Variants in GPC5 observed in about 807,000 individuals in gnomAD.
The protein encoded by GPC5 is glypican-5.
In GPC5, 47 loss-of-function variants were observed where a neutral mutation model predicts 53.9. The observed-to-expected ratio is 0.87, with a 90% confidence interval of 0.69 to 1.11. The LOEUF is 1.11. Among genes scored for constraint, GPC5 ranks in the 50% most tolerant of loss-of-function variants. The probability of loss-of-function intolerance (pLI) is 0.00; values close to 1 mark genes in which losing one functional copy is unlikely to be tolerated. For missense variants in GPC5, 748 were observed against 713.1 expected (o/e 1.05, Z -0.56); for synonymous variants, 286 against 263.3 (o/e 1.09, Z -0.84).
At chr13:92,009,295 G>A (rs78497008) in intron 6 of GPC5, among the ~76,000 whole-genome samples, 5,666 of 92,836 alleles carry the variant, frequency 0.061, 146 homozygotes, top group Middle Eastern at 0.13. Flanking sequence ...TTTCAATATG[G>A]GATGGATTTT....
intron 5 of GPC5, among the ~76,000 whole-genome samples, chr13:91,784,523 GAGACC>G (rs1406258557): frequency 6.6e-6 from 1 of 152,076 alleles, no homozygotes; most frequent in Non-Finnish European, 1.5e-5. Flanking sequence ...TCGGAAGTTG[GAGACC>G]AGCCTGACCA....
At chr13:91,602,853 A>G (rs764756513) in intron 2 of GPC5, among the ~76,000 whole-genome samples, 6 of 152,336 alleles carry the variant, frequency 3.9e-5, no homozygotes, top group Non-Finnish European at 7.3e-5. Flanking sequence ...AATTTGAGTT[A>G]GAATTGTCAA....
chr13:92,539,006 T>C (rs1881834607), intron 7 of GPC5, among the ~76,000 whole-genome samples: 2 of 135,924 alleles, frequency 1.5e-5, no homozygotes, highest in South Asian at 4.7e-4. Context: ...ATACTTTATA[T>C]ATTTTATATA....
rs1413264926 is a variant in GPC5, at chr13:92,605,302, A to T, written c.1562-260980A>T. 2.6e-5 allele frequency among the ~76,000 whole-genome samples: 4 copies of T among 152,326 alleles called. No individual in the cohort carries two copies. The South Asian group carries it at 6.2e-4, about 24-fold the overall frequency. The stretch of plus-strand genomic sequence containing the variant: ...TATAAATTTTTAAAAATGGTTTGTG[A>T]TAAAAAGTATATTCATCTCCAAGCA... On this transcript the variant is annotated intron_variant, in intron 7 of 7. Coordinates refer to ENST00000377067, the MANE Select transcript of GPC5 (RefSeq NM_004466.6).
At chr13:92,108,411 C>A (rs1381732074) in intron 6 of GPC5, among the ~76,000 whole-genome samples, 1 of 152,078 alleles carries the variant, frequency 6.6e-6, no homozygotes, top group Non-Finnish European at 1.5e-5. Context: ...AAAATTAATG[C>A]CCTGCGAAAT....
intron 7 of GPC5, among the ~76,000 whole-genome samples, chr13:92,793,861 A>C (rs570503533): frequency 6.6e-6 from 1 of 152,292 alleles, no homozygotes; most frequent in African/African-American, 2.4e-5. Flanking sequence ...GAATAGACCA[A>C]TAACAGGCTC....
intron 6 of GPC5, among the ~76,000 whole-genome samples, chr13:92,057,301 AAAACAAAAAAC>A (rs147925098): frequency 0.059 from 6,362 of 108,544 alleles, 448 homozygotes; most frequent in African/African-American, 0.17. Flanking sequence ...AAAAAAACAA[AAAACAAAAAAC>A]AAACAAAAAA....
intron 7 of GPC5, among the ~76,000 whole-genome samples, chr13:92,337,407 CA>C (rs1168896723): frequency 6.6e-6 from 1 of 152,080 alleles, no homozygotes; most frequent in African/African-American, 2.4e-5. Flanking sequence ...ATGAAAATCA[CA>C]GCAAGCTATT....
intron 5 of GPC5, among the ~76,000 whole-genome samples, chr13:91,860,004 A>G (rs954580371): frequency 2.0e-5 from 3 of 152,074 alleles, no homozygotes; most frequent in Non-Finnish European, 4.4e-5. Context: ...ATATGTAATT[A>G]CCCTGATGAG....
At chr13:91,433,903 T>G (rs1317126158) in intron 1 of GPC5, among the ~76,000 whole-genome samples, 4 of 152,056 alleles carry the variant, frequency 2.6e-5, no homozygotes, top group Non-Finnish European at 1.5e-5. Flanking sequence ...CTAACTGGTG[T>G]GAGATGGTAT....
intron 7 of GPC5, among the ~76,000 whole-genome samples, chr13:92,760,313 G>A (rs1459458229): frequency 3.3e-5 from 5 of 152,018 alleles, no homozygotes; most frequent in Admixed American, 6.5e-5. Flanking sequence ...ATTTGATTTT[G>A]TGCTTTTATC....
chr13:91,686,115 A>G (rs2035617983), intron 2 of GPC5, among the ~76,000 whole-genome samples: 1 of 152,084 alleles, frequency 6.6e-6, no homozygotes, highest in African/African-American at 2.4e-5. Flanking sequence ...TCACTCCACA[A>G]TAATTCATGA....
At chr13:91,965,399 A>C (rs2040171529) in intron 6 of GPC5, among the ~76,000 whole-genome samples, 2 of 152,292 alleles carry the variant, frequency 1.3e-5, no homozygotes, top group Middle Eastern at 6.8e-3. Flanking sequence ...TTGCTCATTT[A>C]TCTGCTGTAC....
chr13:91,643,526 TATG>T (rs1171680484), intron 2 of GPC5, among the ~76,000 whole-genome samples: 1 of 152,210 alleles, frequency 6.6e-6, no homozygotes, highest in Non-Finnish European at 1.5e-5. Flanking sequence ...CATGCTAAAT[TATG>T]ATATTTTGGT....
chr13:92,418,720 T>C (rs1186101978), intron 7 of GPC5, among the ~76,000 whole-genome samples: 1 of 152,220 alleles, frequency 6.6e-6, no homozygotes, highest in Non-Finnish European at 1.5e-5. Context: ...GTAATTGTTT[T>C]GTGTGCAAGA....
intron 7 of GPC5, among the ~76,000 whole-genome samples, chr13:92,344,859 A>G (rs188167649): frequency 3.5e-4 from 54 of 152,274 alleles, no homozygotes; most frequent in Non-Finnish European, 2.1e-4. Context: ...CTTCCCAAAG[A>G]CTGAAGTTTG....
intron 7 of GPC5, among the ~76,000 whole-genome samples, chr13:92,822,814 T>C (rs1341807447): frequency 6.6e-6 from 1 of 152,154 alleles, no homozygotes; most frequent in Non-Finnish European, 1.5e-5. Flanking sequence ...AATCAAAATT[T>C]TGAAAGCAAT....
chr13:92,621,364 T>A (rs933859693), intron 7 of GPC5, among the ~76,000 whole-genome samples: 2 of 152,198 alleles, frequency 1.3e-5, no homozygotes, highest in Non-Finnish European at 2.9e-5. Flanking sequence ...CCAGAGGTCG[T>A]GCCTCTGTTA....
chr13:92,507,135 T>A (rs990999286), intron 7 of GPC5, among the ~76,000 whole-genome samples: 1 of 152,138 alleles, frequency 6.6e-6, no homozygotes, highest in Admixed American at 6.5e-5. Context: ...TATTCAGGAA[T>A]TACTTCCATT....
Sources: allele counts gnomAD v4.1 joint callset (sites outside exome capture counted in the v4.1 genomes callset), GRCh38; gene constraint gnomAD v4.1.1; transcripts MANE v1.5; gene names NCBI Gene and HGNC (gene_info 2026-07-23, HGNC 2026-07-21).